The following UNC5C variants were observed in gnomAD, a reference collection of about 807,000 sequenced individuals.
UNC5C encodes the protein netrin receptor UNC5C.
UNC5C carries 47 observed loss-of-function variants against 99.8 expected under a neutral mutation model. That is an observed-to-expected ratio of 0.47 (90% confidence interval 0.37 to 0.60). The LOEUF (loss-of-function observed/expected upper bound fraction) is 0.60. Ranked by LOEUF, UNC5C falls within the 20% of genes least tolerant of loss-of-function variation. The pLI, the probability that UNC5C is intolerant of heterozygous loss-of-function variation, is 0.00. For missense variants in UNC5C, 1,062 were observed against 1,165.9 expected, an observed-to-expected ratio of 0.91 and a Z score of 1.30; for synonymous variants, 487 against 452.2, an observed-to-expected ratio of 1.08 and a Z score of -0.98.
chr4:95,263,386 G>A (rs1740318900), intron 4 of UNC5C, among the ~76,000 whole-genome samples: 2 of 152,150 alleles, frequency 1.3e-5, no homozygotes, highest in Non-Finnish European at 2.9e-5. Context: ...ATTTTAAAGA[G>A]CACTTCACAA....
chr4:95,495,719 A>C (rs1721611968), intron 1 of UNC5C, among the ~76,000 whole-genome samples: 1 of 151,658 alleles, frequency 6.6e-6, no homozygotes, highest in Admixed American at 6.6e-5. Context: ...TTAAAATCCC[A>C]TGTTTTGACT....
At chr4:95,453,946 T>C (rs947775019) in intron 1 of UNC5C, among the ~76,000 whole-genome samples, 2 of 152,016 alleles carry the variant, frequency 1.3e-5, no homozygotes, top group Non-Finnish European at 2.9e-5. Flanking sequence ...ACGATTGAAA[T>C]CCAGAATAGG....
intron 1 of UNC5C, among the ~76,000 whole-genome samples, chr4:95,530,272 T>C (rs908518464): frequency 6.6e-6 from 1 of 152,188 alleles, no homozygotes; most frequent in South Asian, 2.1e-4. Flanking sequence ...ATGATAAATA[T>C]ATAGTTAGCA....
intron 2 of UNC5C, among the ~76,000 whole-genome samples, chr4:95,313,467 C>T (rs1335601508): frequency 3.9e-5 from 6 of 152,094 alleles, no homozygotes; most frequent in African/African-American, 7.2e-5. Context: ...TTCGATCTTA[C>T]ATCAAGTCAT....
intron 1 of UNC5C, among the ~76,000 whole-genome samples, chr4:95,478,215 T>G (rs1042434302): frequency 1.2e-4 from 18 of 151,994 alleles, no homozygotes; most frequent in Non-Finnish European, 1.2e-4. Flanking sequence ...CCATTATGGA[T>G]AGCATCAGTT....
At chr4:95,511,970 G>T (rs1722088127) in intron 1 of UNC5C, among the ~76,000 whole-genome samples, 1 of 152,088 alleles carries the variant, frequency 6.6e-6, no homozygotes, top group Non-Finnish European at 1.5e-5. Flanking sequence ...AACTTGAAGG[G>T]TATGTGACTA....
chr4:95,191,957 T>G (rs1416844555), intron 12 of UNC5C, among the ~76,000 whole-genome samples: 5 of 92,614 alleles, frequency 5.4e-5, no homozygotes, highest in Non-Finnish European at 1.1e-4. Flanking sequence ...TCTGCTCACC[T>G]TCCTCCCCTG....
At chr4:95,316,933 A>G (rs1405181899) in intron 2 of UNC5C, among the ~76,000 whole-genome samples, 1 of 151,100 alleles carries the variant, frequency 6.6e-6, no homozygotes, top group Non-Finnish European at 1.5e-5. Context: ...ATGACAGAGA[A>G]TGGCTGTAAT....
At chr4:95,244,443 A>G (rs35779969) in intron 6 of UNC5C, among the ~76,000 whole-genome samples, 44,764 of 152,084 alleles carry the variant, frequency 0.29, 7,355 homozygotes, top group East Asian at 0.59. Context: ...TACAGATAAC[A>G]AAGAACTGAC....
rs549598633 is a variant in UNC5C at position 95,387,295 on chromosome 4, T to A, written c.125-51664A>T. 3.3e-5 allele frequency among the ~76,000 whole-genome samples: 5 copies of A among 152,104 alleles called. No individual in the cohort carries two copies. In the South Asian group the frequency reaches 1.0e-3, roughly 32 times the overall value. On this transcript the variant is annotated intron_variant, in intron 1 of 15. Coordinates refer to ENST00000453304, the MANE Select transcript of UNC5C (RefSeq NM_003728.4). The stretch of plus-strand genomic sequence containing the variant: ...CTGGGACTATAGGCACCCACCCTTA[T>A]GCCAGGCTAGTTTTAATTGGTTTTG...
At chr4:95,268,665 C>T (rs999308859) in intron 4 of UNC5C, among the ~76,000 whole-genome samples, 33 of 152,270 alleles carry the variant, frequency 2.2e-4, no homozygotes, top group Admixed American at 1.9e-3. Flanking sequence ...TGATTGGTAT[C>T]GGGAGAAACG....
chr4:95,447,034 A>G lies in UNC5C; in HGVS notation c.124+101700T>C, dbSNP rs10012238. On this transcript the variant is annotated intron_variant, in intron 1 of 15. Transcript: ENST00000453304. The stretch of plus-strand genomic sequence containing the variant: ...CAGGAATTGACTGCATACAAAAATT[A>G]TTCATATTCATAATACTTGGAGTTA... 8.6e-3 allele frequency among the ~76,000 whole-genome samples: 1,316 copies of G among 152,298 alleles called. 22 individuals are homozygous for G. Among genetic ancestry groups the G allele is most frequent in the African/African-American group, 0.03 (1,262 of 41,566 alleles).
intron 1 of UNC5C, among the ~76,000 whole-genome samples, chr4:95,389,754 G>A (rs1156752945): frequency 1.3e-5 from 2 of 151,716 alleles, no homozygotes; most frequent in Non-Finnish European, 2.9e-5. Context: ...TGTGCTGTAA[G>A]TATAAAATAG....
chr4:95,179,008 A>G (rs1289052901), intron 14 of UNC5C, among the ~76,000 whole-genome samples: 1 of 152,226 alleles, frequency 6.6e-6, no homozygotes, highest in Non-Finnish European at 1.5e-5. Context: ...CTTTACTTCC[A>G]GGTAAAAGTA....
rs566440575 is a variant in UNC5C, at chr4:95,225,925, G to A, written c.1109-5749C>T. ...TAGCAGGCTGGGAATCAGAGAAGAA[G>A]GGGATTACTGTTCCATCCCCTAAAT... On this transcript the variant is annotated intron_variant, in intron 7 of 15. Transcript: ENST00000453304. Among the ~76,000 whole-genome samples, 5 of 152,256 alleles carry A rather than the reference G, an allele frequency of 3.3e-5. No individual in the cohort carries two copies. In the South Asian group the frequency reaches 8.3e-4, roughly 25 times the overall value.
intron 4 of UNC5C, among the ~76,000 whole-genome samples, chr4:95,270,288 C>G (rs556289189): frequency 3.3e-5 from 5 of 152,172 alleles, no homozygotes; most frequent in African/African-American, 1.2e-4. Flanking sequence ...AAACAAGTAT[C>G]CATTCACTTC....
chr4:95,269,671 A>G (rs754975868), intron 4 of UNC5C, among the ~76,000 whole-genome samples: 3 of 151,902 alleles, frequency 2.0e-5, no homozygotes, highest in African/African-American at 4.8e-5. Context: ...GTTGATGTAG[A>G]TAATCTATGT....
At chr4:95,183,107 A>AAAAT (rs1227468003) in intron 13 of UNC5C, 46 bp from the exon 14 acceptor site, 11 of 1,561,106 alleles carry the variant, frequency 7.0e-6, no homozygotes, top group African/African-American at 2.7e-5. Context: ...ACTAATACCA[A>AAAAT]AAATAACTCT....
intron 9 of UNC5C, among the ~76,000 whole-genome samples, chr4:95,216,518 A>C (rs1462350927): frequency 6.6e-6 from 1 of 152,130 alleles, no homozygotes; most frequent in East Asian, 1.9e-4. Context: ...TCAAAATTTC[A>C]AACAGCTGTA....
Sources: allele counts gnomAD v4.1 joint callset (sites outside exome capture counted in the v4.1 genomes callset), GRCh38; gene constraint gnomAD v4.1.1; transcripts MANE v1.5; gene names NCBI Gene and HGNC (gene_info 2026-07-23, HGNC 2026-07-21).